The following MACROD2 variants were observed in gnomAD, a reference collection of about 807,000 sequenced individuals.
The protein encoded by MACROD2 is ADP-ribose glycohydrolase MACROD2.
MACROD2 carries 36 observed loss-of-function variants against 70.4 expected under a neutral mutation model. The ratio of observed to expected loss-of-function variants is 0.51; its 90% CI spans 0.39 to 0.68. The LOEUF is 0.68. Among genes scored for constraint, MACROD2 ranks in the 30% least tolerant of loss-of-function variants. The pLI is 0.00. For synonymous variants in MACROD2, 172 were observed against 178.8 expected, an observed-to-expected ratio of 0.96 and a Z score of 0.30; for missense variants, 496 against 538.4, an observed-to-expected ratio of 0.92 and a Z score of 0.78.
At chr20:15,225,735 T>C (rs2076900352) in intron 5 of MACROD2, among the ~76,000 whole-genome samples, 1 of 152,248 alleles carries the variant, frequency 6.6e-6, no homozygotes, top group Admixed American at 6.5e-5. Flanking sequence ...ATAGTATAAA[T>C]GAACCATCGT....
At chr20:15,870,533 C>T (rs1408466730) in intron 9 of MACROD2, among the ~76,000 whole-genome samples, 1 of 152,070 alleles carries the variant, frequency 6.6e-6, no homozygotes, top group Non-Finnish European at 1.5e-5. Flanking sequence ...CATGACGGCT[C>T]TAGCCTCATG....
At chr20:15,189,957 C>G (rs2076559605) in intron 5 of MACROD2, among the ~76,000 whole-genome samples, 2 of 152,076 alleles carry the variant, frequency 1.3e-5, no homozygotes, top group African/African-American at 2.4e-5. Flanking sequence ...TTACCTCTCC[C>G]AATGCACTAA....
chr20:15,974,349 T>C (rs1312439316), intron 13 of MACROD2, among the ~76,000 whole-genome samples: 1 of 151,198 alleles, frequency 6.6e-6, no homozygotes, highest in Non-Finnish European at 1.5e-5. Flanking sequence ...TAAAAAGAAA[T>C]GAGCTATCAA....
At chr20:15,563,881 A>G (rs1006960196) in intron 8 of MACROD2, among the ~76,000 whole-genome samples, 7 of 152,228 alleles carry the variant, frequency 4.6e-5, no homozygotes, top group Non-Finnish European at 1.0e-4. Context: ...TTCCATGCAT[A>G]TGATTCCATT....
chr20:14,611,426 T>C (rs918212760), intron 4 of MACROD2, among the ~76,000 whole-genome samples: 1 of 151,616 alleles, frequency 6.6e-6, no homozygotes, highest in African/African-American at 2.4e-5. Flanking sequence ...TTCCTCATTA[T>C]GTTCAGAGAT....
Position 14,718,972 on chromosome 20 carries a change from G to A in MACROD2, c.418+34013G>A, listed in dbSNP as rs143448319. On this transcript the variant is annotated intron_variant, in intron 5 of 17. Transcript: ENST00000684519. ...TAGTCAGCCGGGTGTGGTGGCTCACGTCTGTAATCCTAACACTTTGGGAGG... is the reference window on the plus strand; with the variant it reads ...TAGTCAGCCGGGTGTGGTGGCTCACATCTGTAATCCTAACACTTTGGGAGG... Among the ~76,000 whole-genome samples the A allele has an allele frequency of 1.3e-4, 20 of 152,216 alleles. No homozygotes were observed. In the East Asian group the frequency reaches 2.3e-3, roughly 18 times the overall value.
At chr20:14,694,556 C>A (rs887787274) in intron 5 of MACROD2, among the ~76,000 whole-genome samples, 1 of 152,040 alleles carries the variant, frequency 6.6e-6, no homozygotes, top group Non-Finnish European at 1.5e-5. Flanking sequence ...ATAAAAGTTT[C>A]TTATCTCATA....
At chr20:15,680,032 C>A (rs1362016845) in intron 8 of MACROD2, among the ~76,000 whole-genome samples, 2 of 152,090 alleles carry the variant, frequency 1.3e-5, no homozygotes, top group Non-Finnish European at 2.9e-5. Flanking sequence ...GAAGCCCTGC[C>A]CCTGAAGTCA....
chr20:14,336,466 A>T (rs959914993), intron 3 of MACROD2, among the ~76,000 whole-genome samples: 9 of 152,194 alleles, frequency 5.9e-5, no homozygotes, highest in African/African-American at 2.2e-4. Context: ...AGTGAACAAA[A>T]TTTTTTGAGA....
intron 3 of MACROD2, among the ~76,000 whole-genome samples, chr20:14,393,906 C>T (rs2083553502): frequency 2.0e-5 from 3 of 152,080 alleles, no homozygotes; most frequent in Admixed American, 1.3e-4. Context: ...GGAAGAGACA[C>T]CAGAGCTTTC....
intron 12 of MACROD2, among the ~76,000 whole-genome samples, chr20:15,955,703 T>A (rs771371187): frequency 2.0e-5 from 3 of 152,154 alleles, no homozygotes; most frequent in African/African-American, 7.2e-5. Flanking sequence ...TAGTTTTAAA[T>A]TTTCAAAAAG....
intron 3 of MACROD2, among the ~76,000 whole-genome samples, chr20:14,216,007 T>C (rs1429406006): frequency 6.6e-6 from 1 of 152,188 alleles, no homozygotes; most frequent in East Asian, 1.9e-4. Flanking sequence ...AAAAGCTCTT[T>C]AGTTTAATTA....
intron 6 of MACROD2, among the ~76,000 whole-genome samples, chr20:15,371,433 T>C (rs16995631): frequency 0.011 from 1,716 of 152,270 alleles, 29 homozygotes; most frequent in Middle Eastern, 0.041. Context: ...TGTTAGATTG[T>C]ATTTTGATTT....
At chr20:15,713,274 G>A (rs897819674) in intron 8 of MACROD2, among the ~76,000 whole-genome samples, 12 of 152,192 alleles carry the variant, frequency 7.9e-5, no homozygotes, top group South Asian at 2.1e-4. Flanking sequence ...AAGATGCTCC[G>A]ATCAGCTCTG....
chr20:15,154,023 C>T (rs1480936259), intron 5 of MACROD2, among the ~76,000 whole-genome samples: 2 of 152,138 alleles, frequency 1.3e-5, no homozygotes, highest in South Asian at 4.1e-4. Flanking sequence ...GTCACAGATT[C>T]CCATGTTCAC....
At chr20:14,287,520 G>A (rs944780935) in intron 3 of MACROD2, among the ~76,000 whole-genome samples, 1 of 152,144 alleles carries the variant, frequency 6.6e-6, no homozygotes, top group African/African-American at 2.4e-5. Context: ...TCTGTTGGTT[G>A]TGCTTAATAT....
At chr20:15,449,172 G>A (rs1027765020) in intron 7 of MACROD2, among the ~76,000 whole-genome samples, 1 of 152,090 alleles carries the variant, frequency 6.6e-6, no homozygotes, top group Non-Finnish European at 1.5e-5. Context: ...CTGTTCCATG[G>A]AACATACTGA....
chr20:15,639,049 C>T (rs768147333), intron 8 of MACROD2, among the ~76,000 whole-genome samples: 1 of 152,094 alleles, frequency 6.6e-6, no homozygotes, highest in Non-Finnish European at 1.5e-5. Flanking sequence ...GAGACAGCAA[C>T]AGCAGGTTCG....
chr20:15,352,840 A>G (rs2078242988), intron 6 of MACROD2, among the ~76,000 whole-genome samples: 1 of 151,998 alleles, frequency 6.6e-6, no homozygotes, highest in Non-Finnish European at 1.5e-5. Context: ...CCACTGCTCA[A>G]TGAAATAAAA....
Sources: allele counts gnomAD v4.1 joint callset (sites outside exome capture counted in the v4.1 genomes callset), GRCh38; gene constraint gnomAD v4.1.1; transcripts MANE v1.5; gene names NCBI Gene and HGNC (gene_info 2026-07-23, HGNC 2026-07-21).